The following MPHOSPH10 variants were observed in gnomAD, a reference collection of about 807,000 sequenced individuals.
The protein encoded by MPHOSPH10 is U3 small nucleolar ribonucleoprotein MPP10.
MPHOSPH10 carries 33 observed loss-of-function variants against 77.3 expected under a neutral mutation model. The ratio of observed to expected loss-of-function variants is 0.43; its 90% CI spans 0.32 to 0.57. The LOEUF is 0.57. MPHOSPH10 is among the 20% of genes least tolerant of loss of function. The pLI is 0.07. For missense variants in MPHOSPH10, 708 were observed against 780.1 expected (o/e 0.91, Z 1.10); for synonymous variants, 245 against 268.0 (o/e 0.91, Z 0.84).
At chr2:71,147,930 T>C (rs1673749589) in intron 8 of MPHOSPH10, 69 bp from the exon 9 acceptor site, 10 of 1,176,904 alleles carry the variant, frequency 8.5e-6, no homozygotes, top group Middle Eastern at 3.9e-4. Context: ...AGTTAATAGG[T>C]TCACAGTTCA....
chr2:71,141,236 G>T lies in MPHOSPH10; in HGVS notation c.1313G>T (p.Trp438Leu). 1 of 1,459,166 alleles carries T rather than the reference G, an allele frequency of 6.9e-7. No homozygotes were observed. Among genetic ancestry groups the T allele is most frequent in the South Asian group, 1.6e-5 (1 of 60,880 alleles). The allele number at this position is 1,459,166 out of a possible 1,614,324, so 90.4% of individuals were successfully genotyped here. ...IIKQRIRDQAWDDVVRKEKPK... is the reference protein window; with the variant it reads ...IIKQRIRDQALDDVVRKEKPK... The stretch of plus-strand genomic sequence containing the variant: ...TACCTGCACTTTATGTTTCAGGCTT[G>T]GGATGATGTAGTACGTAAAGAAAAA... Residue 438 changes from tryptophan to leucine, a missense_variant, in exon 7 of 11, where the codon TGG (tryptophan) becomes TTG (leucine). By Grantham distance (61) the Trp-to-Leu change is moderately conservative (BLOSUM62 -2). Transcript: ENST00000244230.
chr2:71,142,764 T>G (rs560453343), intron 7 of MPHOSPH10, among the ~76,000 whole-genome samples: 34 of 152,322 alleles, frequency 2.2e-4, no homozygotes, highest in African/African-American at 7.0e-4. Context: ...GATGCCTGAC[T>G]ATGGCTGGAA....
chr2:71,134,038 C>G lies in MPHOSPH10; in HGVS notation c.859C>G (p.Leu287Val), dbSNP rs1311786812. The G allele has an allele frequency of 5.0e-6, 8 of 1,608,542 alleles. No homozygotes were observed. Among genetic ancestry groups the G allele is most frequent in the Non-Finnish European group, 6.8e-6 (8 of 1,177,188 alleles). The change falls in exon 3 of 11, where the codon CTG becomes GTG. Residue 287 changes from leucine to valine, a missense_variant. By Grantham distance (32) the Leu-to-Val change is conservative. This residue lies in a region of MPHOSPH10 where 433 missense variants were observed against 432.6 expected (regional missense o/e 1.00). Coordinates refer to ENST00000244230, the MANE Select transcript of MPHOSPH10 (RefSeq NM_005791.3). ...EDITNVHDDE[L>V]DSNKEDDEIA... ...CATAACAAATGTTCATGATGATGAGCTGGATTCAAACAAAGAAGATGATGA... is the reference window on the plus strand; with the variant it reads ...CATAACAAATGTTCATGATGATGAGGTGGATTCAAACAAAGAAGATGATGA...
chr2:71,133,479 A>G lies in MPHOSPH10; in HGVS notation c.671A>G (p.Lys224Arg). ...AACATAGAAAAAGAAGAGGAACGAAAAGATGATAATGATGAGGAGGAGGAA... is the reference window on the plus strand; with the variant it reads ...AACATAGAAAAAGAAGAGGAACGAAGAGATGATAATGATGAGGAGGAGGAA... ...LENIEKEEER[K>R]DDNDEEEEDI... is the part of the protein sequence containing the mutation. Residue 224 changes from lysine to arginine, a missense_variant, in exon 2 of 11, where the codon AAA (lysine) becomes AGA (arginine). Coordinates refer to ENST00000244230, the MANE Select transcript of MPHOSPH10 (RefSeq NM_005791.3). 6.2e-7 allele frequency: 1 copy of G among 1,613,956 alleles called. No homozygotes were observed. The highest frequency in any genetic ancestry group is 8.5e-7 in the Non-Finnish European group (1 of 1,179,866).
Position 71,130,655 on chromosome 2 carries a change from T to TG in MPHOSPH10, c.-10dup, listed in dbSNP as rs1477798493. On this transcript the variant is annotated 5_prime_UTR_variant, in exon 1 of 11. An upstream open reading frame in the 5' UTR loses its in-frame stop. Transcript: ENST00000244230. ...TTGCATGCTGCATTGTGTCGGGAGT[T>TG]GCTGACAGCCATGGCGCCGCAGGTC... is the stretch of plus-strand genomic sequence containing the variant. 1.9e-6 allele frequency: 3 copies of TG among 1,605,154 alleles called. No individual in the cohort carries two copies. Among genetic ancestry groups the TG allele is most frequent in the African/African-American group, 2.7e-5 (2 of 74,934 alleles).
At chr2:71,138,975 AG>A (rs1182267558) in intron 5 of MPHOSPH10, 11 of 544,744 alleles carry the variant, frequency 2.0e-5, no homozygotes, top group Non-Finnish European at 3.3e-5. Flanking sequence ...GGGAGGTTGC[AG>A]TGAGCCAAGG....
intron 8 of MPHOSPH10, among the ~76,000 whole-genome samples, chr2:71,145,249 C>T (rs544025761): frequency 2.0e-5 from 3 of 152,296 alleles, no homozygotes; most frequent in Non-Finnish European, 4.4e-5. Context: ...ACTTGTTCAC[C>T]TGTTGCCCTT....
chr2:71,144,264 G>A (rs1434675819), intron 7 of MPHOSPH10, 164 bp from the exon 8 acceptor site: 1 of 573,338 alleles, frequency 1.7e-6, no homozygotes, highest in Non-Finnish European at 3.1e-6. Context: ...GTAGGTGCTG[G>A]AACCCTCATG....
chr2:71,135,530 G>C (rs1200211382), intron 4 of MPHOSPH10, among the ~76,000 whole-genome samples: 1 of 151,922 alleles, frequency 6.6e-6, no homozygotes, highest in African/African-American at 2.4e-5. Flanking sequence ...CTGGGCGACA[G>C]AGTGTGACTC....
chr2:71,136,407 C>T (rs957404925), intron 4 of MPHOSPH10, among the ~76,000 whole-genome samples: 1 of 151,938 alleles, frequency 6.6e-6, no homozygotes, highest in Admixed American at 6.6e-5. Context: ...CTTTGCTACT[C>T]GAGAGGCTGA....
chr2:71,140,000 A>C (rs1363182194), intron 6 of MPHOSPH10, 138 bp downstream of exon 6: 1 of 617,662 alleles, frequency 1.6e-6, no homozygotes, highest in East Asian at 3.1e-5. Context: ...CTACCTAGTC[A>C]GCTTTTGTTG....
intron 4 of MPHOSPH10, among the ~76,000 whole-genome samples, chr2:71,137,885 G>A (rs1449755727): frequency 6.6e-6 from 1 of 152,110 alleles, no homozygotes; most frequent in African/African-American, 2.4e-5. Context: ...AGGCATGGTG[G>A]CTCACGCCTG....
At chr2:71,145,814 C>T (rs1451349537) in intron 8 of MPHOSPH10, among the ~76,000 whole-genome samples, 2 of 152,198 alleles carry the variant, frequency 1.3e-5, no homozygotes, top group Middle Eastern at 3.4e-3. Flanking sequence ...AAGTCCCTTG[C>T]GCTTTCTCAC....
chr2:71,137,742 T>C (rs1424170001), intron 4 of MPHOSPH10, among the ~76,000 whole-genome samples: 1 of 152,042 alleles, frequency 6.6e-6, no homozygotes, highest in Non-Finnish European at 1.5e-5. Flanking sequence ...TGTTGGTATT[T>C]GGAGAGGAAA....
chr2:71,140,882 G>A (rs1673598049), intron 6 of MPHOSPH10, among the ~76,000 whole-genome samples: 1 of 152,126 alleles, frequency 6.6e-6, no homozygotes, highest in Non-Finnish European at 1.5e-5. Flanking sequence ...TAAACAAACT[G>A]TGATGGGGAA....
At chr2:71,144,327 T>C in intron 7 of MPHOSPH10, 101 bp from the exon 8 acceptor site, 1 of 863,560 alleles carries the variant, frequency 1.2e-6, no homozygotes, top group Non-Finnish European at 1.8e-6. Context: ...GCTGAAGCTT[T>C]AGTGATGAGA....
At chr2:71,140,405 C>T (rs72905530) in intron 6 of MPHOSPH10, among the ~76,000 whole-genome samples, 6,172 of 152,202 alleles carry the variant, frequency 0.041, 376 homozygotes, top group African/African-American at 0.13. Context: ...TCAGGTGTCT[C>T]TTGCTCTTCT....
At chr2:71,146,022 C>T (rs59841862) in intron 8 of MPHOSPH10, among the ~76,000 whole-genome samples, 6,185 of 152,256 alleles carry the variant, frequency 0.041, 372 homozygotes, top group African/African-American at 0.13. Context: ...TGCAGTCATT[C>T]GCTAGTTGTT....
intron 1 of MPHOSPH10, among the ~76,000 whole-genome samples, chr2:71,131,216 T>C (rs1673370642): frequency 6.6e-6 from 1 of 152,228 alleles, no homozygotes; most frequent in South Asian, 2.1e-4. Flanking sequence ...TGTTGAAGAA[T>C]TTAAAATGTG....
Sources: allele counts gnomAD v4.1 joint callset (sites outside exome capture counted in the v4.1 genomes callset), GRCh38; gene constraint gnomAD v4.1.1; regional missense constraint gnomAD v4.1.1; transcripts MANE v1.5; gene names NCBI Gene and HGNC (gene_info 2026-07-23, HGNC 2026-07-21).